Variants in FOXN3 observed in about 807,000 individuals in gnomAD.
The protein encoded by FOXN3 is forkhead box N3, also known as forkhead box protein N3.
A neutral mutation model predicts 38.4 loss-of-function variants in FOXN3; 7 were observed. The ratio of observed to expected loss-of-function variants is 0.18; its 90% CI spans 0.10 to 0.34. The LOEUF is 0.34. Among genes scored for constraint, FOXN3 ranks in the 10% least tolerant of loss-of-function variants. The pLI, the probability that FOXN3 is intolerant of heterozygous loss-of-function variation, is 1.00. For synonymous variants in FOXN3, 230 were observed against 242.2 expected (o/e 0.95, Z 0.47); for missense variants, 456 against 613.4 (o/e 0.74, Z 2.71).
At chr14:89,355,948 G>A (rs1444842492) in intron 2 of FOXN3, among the ~76,000 whole-genome samples, 1 of 152,006 alleles carries the variant, frequency 6.6e-6, no homozygotes, top group Non-Finnish European at 1.5e-5. Flanking sequence ...ATGTCAAAGT[G>A]GAGCAGGCAC....
chr14:89,290,359 G>A (rs1318204394), intron 3 of FOXN3: 5 of 380,088 alleles, frequency 1.3e-5, no homozygotes, highest in Non-Finnish European at 2.6e-5. Flanking sequence ...AGGTATGTGT[G>A]GCAACCTTCT....
intron 4 of FOXN3, among the ~76,000 whole-genome samples, chr14:89,218,205 T>C (rs971156866): frequency 1.2e-4 from 18 of 152,260 alleles, no homozygotes; most frequent in African/African-American, 4.1e-4. Context: ...TGGGTGGGGA[T>C]TGGGATCCAG....
chr14:89,477,413 A>T lies in FOXN3; in HGVS notation c.-14-64923T>A, dbSNP rs905205872. ...AGGGTGTTATAAAGCCATCTTAAAA[A>T]AAAGAAATCAACACTTTCTCCCCAG... On this transcript the variant is annotated intron_variant, in intron 1 of 6. Coordinates refer to the FOXN3 transcript ENST00000345097. 5.9e-5 allele frequency among the ~76,000 whole-genome samples: 9 copies of T among 152,380 alleles called. No individual in the cohort carries two copies. In the South Asian group the frequency reaches 1.7e-3, roughly 28 times the overall value.
chr14:89,214,398 C>A (rs1884197589), intron 4 of FOXN3, among the ~76,000 whole-genome samples: 1 of 152,224 alleles, frequency 6.6e-6, no homozygotes, highest in African/African-American at 2.4e-5. Context: ...CCTTGCCAGG[C>A]CTTCTTGTTT....
At chr14:89,228,996 T>G (rs993303239) in intron 4 of FOXN3, among the ~76,000 whole-genome samples, 2 of 152,182 alleles carry the variant, frequency 1.3e-5, no homozygotes, top group African/African-American at 4.8e-5. Flanking sequence ...ACGGGCTGTT[T>G]TGAGGACCAG....
chr14:89,444,763 G>A (rs1892458623), intron 1 of FOXN3, among the ~76,000 whole-genome samples: 1 of 152,146 alleles, frequency 6.6e-6, no homozygotes, highest in African/African-American at 2.4e-5. Flanking sequence ...TTAGACATCT[G>A]TTTTTATGGC....
At chr14:89,332,421 T>C (rs1888278420) in intron 3 of FOXN3, among the ~76,000 whole-genome samples, 1 of 152,144 alleles carries the variant, frequency 6.6e-6, no homozygotes. Context: ...CCGGTCTCCA[T>C]GGCCTCTCCC....
chr14:89,499,076 C>A (rs756856402), intron 1 of FOXN3, among the ~76,000 whole-genome samples: 4 of 152,048 alleles, frequency 2.6e-5, no homozygotes, highest in Non-Finnish European at 5.9e-5. Context: ...AGAGGTCACC[C>A]GTCCAGGAAA....
At chr14:89,276,340 A>G (rs1290398460) in intron 4 of FOXN3, among the ~76,000 whole-genome samples, 2 of 152,222 alleles carry the variant, frequency 1.3e-5, no homozygotes, top group Non-Finnish European at 2.9e-5. Flanking sequence ...ATGTTAGATA[A>G]TTTATTTTAA....
chr14:89,400,053 C>T (rs1891207836), intron 2 of FOXN3: 1 of 152,200 alleles, frequency 6.6e-6, no homozygotes, highest in Non-Finnish European at 1.5e-5. Context: ...AGAGATGCGG[C>T]TGCCCCAAGC....
intron 3 of FOXN3, among the ~76,000 whole-genome samples, chr14:89,283,917 G>T (rs1433440576): frequency 6.6e-6 from 1 of 152,152 alleles, no homozygotes; most frequent in African/African-American, 2.4e-5. Context: ...CTGGAGTGCA[G>T]TGGTGCGATC....
chr14:89,174,381 G>A (rs1032130257), intron 5 of FOXN3, among the ~76,000 whole-genome samples: 2 of 152,158 alleles, frequency 1.3e-5, no homozygotes, highest in Non-Finnish European at 2.9e-5. Context: ...CTAACTCAGT[G>A]GTAATATCCA....
intron 1 of FOXN3, among the ~76,000 whole-genome samples, chr14:89,600,339 C>A (rs145524392): frequency 2.6e-5 from 4 of 152,278 alleles, no homozygotes; most frequent in South Asian, 4.1e-4. Flanking sequence ...TGAATGAATT[C>A]TCTTAACAAT....
intron 1 of FOXN3, among the ~76,000 whole-genome samples, chr14:89,414,854 A>G (rs180983042): frequency 5.1e-4 from 77 of 152,206 alleles, no homozygotes; most frequent in Non-Finnish European, 9.6e-4. Context: ...CCTGGCCAAG[A>G]TGCCCAACTC....
intron 1 of FOXN3, among the ~76,000 whole-genome samples, chr14:89,449,455 C>G (rs536549023): frequency 5.9e-5 from 9 of 152,286 alleles, no homozygotes; most frequent in Admixed American, 4.6e-4. Flanking sequence ...ATAAAAATCT[C>G]CAAGCCCATG....
At chr14:89,505,786 TGAG>T (rs1893908969) in intron 1 of FOXN3, among the ~76,000 whole-genome samples, 2 of 149,908 alleles carry the variant, frequency 1.3e-5, no homozygotes, top group Admixed American at 1.3e-4. Flanking sequence ...GTCTGGAAAG[TGAG>T]GAGCGCCTCT....
chr14:89,404,577 G>A (rs1167030810), intron 2 of FOXN3, among the ~76,000 whole-genome samples: 1 of 150,758 alleles, frequency 6.6e-6, no homozygotes, highest in African/African-American at 2.4e-5. Context: ...ATCACAGGAT[G>A]CTGGTATGAA....
intron 1 of FOXN3, among the ~76,000 whole-genome samples, chr14:89,423,283 A>G (rs1243786930): frequency 6.6e-6 from 1 of 152,244 alleles, no homozygotes; most frequent in African/African-American, 2.4e-5. Flanking sequence ...AACCTCAGTC[A>G]AGGTTCTTAA....
At chr14:89,390,293 T>TTC (rs71130070) in intron 2 of FOXN3, among the ~76,000 whole-genome samples, 2,329 of 139,922 alleles carry the variant, frequency 0.017, 31 homozygotes, top group African/African-American at 0.025. Flanking sequence ...CTCGTTCTCT[T>TTC]TCTCTCTCTC....
Sources: gnomAD v4.1 joint callset for allele counts (sites outside exome capture counted in the v4.1 genomes callset) on GRCh38, gnomAD v4.1.1 for gene constraint, MANE v1.5 for transcripts, NCBI Gene and HGNC (gene_info 2026-07-23, HGNC 2026-07-21) for gene names.